The following CEP85L variants were observed in gnomAD, a reference collection of about 807,000 sequenced individuals.
CEP85L encodes centrosomal protein 85L.
A neutral mutation model predicts 100.3 loss-of-function variants in CEP85L; 60 were observed. The observed-to-expected ratio is 0.60, with a 90% CI of 0.49 to 0.74. The LOEUF is 0.74. Among genes scored for constraint, CEP85L ranks in the 30% least tolerant of loss-of-function variants. The pLI, the probability that CEP85L is intolerant of heterozygous loss-of-function variation, is 0.00. For missense variants in CEP85L, 973 were observed against 936.2 expected (o/e 1.04, Z -0.51); for synonymous variants, 319 against 322.7 (o/e 0.99, Z 0.12).
chr6:118,700,679 GAC>G (rs1253362657), intron 1 of CEP85L, among the ~76,000 whole-genome samples: 1 of 152,228 alleles, frequency 6.6e-6, no homozygotes, highest in Non-Finnish European at 1.5e-5. Flanking sequence ...GATCTTGAGA[GAC>G]AGTGGGAGTG....
intron 3 of CEP85L, among the ~76,000 whole-genome samples, chr6:118,533,287 T>C (rs1469204390): frequency 6.6e-6 from 1 of 152,120 alleles, no homozygotes; most frequent in African/African-American, 2.4e-5. Flanking sequence ...GTAAAATAGA[T>C]ATCACTACAG....
rs1029766634 is a variant in CEP85L at position 118,558,974 on chromosome 6, T to C, written c.1020+6555A>G. 17 of 1,612,926 alleles carry C rather than the reference T, an allele frequency of 1.1e-5. No individual in the cohort carries two copies. The highest frequency in any genetic ancestry group is 2.2e-5 in the East Asian group (1 of 44,882). On this transcript the variant is annotated intron_variant, in intron 3 of 12. Transcript: ENST00000368491. ...TCAGCTATAAGAAGAGCCTCAACCA[T>C]TGAAATGCCTCAACAAGCACGTCAA...
At chr6:118,549,785 A>G (rs1184891146) in intron 3 of CEP85L, among the ~76,000 whole-genome samples, 1 of 151,824 alleles carries the variant, frequency 6.6e-6, no homozygotes, top group East Asian at 1.9e-4. Flanking sequence ...GAGTTATTTT[A>G]TTGTATCAGA....
At chr6:118,470,993 G>A (rs914540986) in intron 10 of CEP85L, among the ~76,000 whole-genome samples, 1 of 152,056 alleles carries the variant, frequency 6.6e-6, no homozygotes, top group Admixed American at 6.5e-5. Flanking sequence ...TATATGTAGA[G>A]AGTGTATTAG....
At chr6:118,488,951 G>GT (rs1324972753) in intron 6 of CEP85L, among the ~76,000 whole-genome samples, 3 of 152,134 alleles carry the variant, frequency 2.0e-5, no homozygotes, top group African/African-American at 4.8e-5. Context: ...CCAGAATAAT[G>GT]TAAGAAGAAG....
At chr6:118,528,845 G>A (rs192341955) in intron 3 of CEP85L, among the ~76,000 whole-genome samples, 5 of 152,256 alleles carry the variant, frequency 3.3e-5, no homozygotes, top group East Asian at 1.9e-4. Flanking sequence ...ATATTGTGAA[G>A]TCTCAAACAG....
chr6:118,680,701 A>G (rs1583254007), intron 1 of CEP85L, among the ~76,000 whole-genome samples: 1 of 130,422 alleles, frequency 7.7e-6, no homozygotes, highest in African/African-American at 2.8e-5. Context: ...ACATGGCAAA[A>G]CCCTGCCTCT....
rs1310256845 is a variant in CEP85L, at chr6:118,565,677, TGAATGG to T, written c.866_871del (p.Pro289_Ile290del). ...CCACATCTGAGTCCTTACGGAAGGC[TGAATGG>T]GAACTCCACCTACTGCCTGTTGACC... On this transcript the variant is annotated inframe_deletion, in exon 3 of 13. Transcript: ENST00000368491. 1.9e-6 allele frequency: 3 copies of T among 1,614,216 alleles called. No homozygotes were observed. The African/African-American group carries it at 4.0e-5, about 22-fold the overall frequency.
At chr6:118,483,393 CTG>C (rs1375844662) in intron 7 of CEP85L, among the ~76,000 whole-genome samples, 1 of 152,036 alleles carries the variant, frequency 6.6e-6, no homozygotes, top group African/African-American at 2.4e-5. Flanking sequence ...ATCCTAGAGA[CTG>C]TGTTGGAAAG....
At chr6:118,636,004 A>G (rs1430017547) in intron 1 of CEP85L, among the ~76,000 whole-genome samples, 1 of 152,260 alleles carries the variant, frequency 6.6e-6, no homozygotes, top group Non-Finnish European at 1.5e-5. Context: ...GTCAAGAGCC[A>G]GATTGTAAAT....
At chr6:118,496,588 C>T (rs1189620953) in intron 5 of CEP85L, among the ~76,000 whole-genome samples, 2 of 151,902 alleles carry the variant, frequency 1.3e-5, no homozygotes, top group South Asian at 2.1e-4. Context: ...CTCCTGACCT[C>T]GTGATCCACC....
At chr6:118,616,267 T>C (rs912536195) in intron 2 of CEP85L, among the ~76,000 whole-genome samples, 2 of 152,166 alleles carry the variant, frequency 1.3e-5, no homozygotes, top group African/African-American at 4.8e-5. Flanking sequence ...GGGTCATGCC[T>C]GTAATCCCAA....
chr6:118,496,929 A>G (rs1235884204), intron 5 of CEP85L, among the ~76,000 whole-genome samples: 2 of 152,260 alleles, frequency 1.3e-5, no homozygotes, highest in Non-Finnish European at 2.9e-5. Flanking sequence ...ATGCATAAAC[A>G]TTGGGATTTC....
intron 1 of CEP85L, among the ~76,000 whole-genome samples, chr6:118,695,846 G>A (rs1240528472): frequency 6.6e-6 from 1 of 152,168 alleles, no homozygotes; most frequent in African/African-American, 2.4e-5. Flanking sequence ...GCTTTTGAGG[G>A]TGATGAGGGC....
intron 1 of CEP85L, among the ~76,000 whole-genome samples, chr6:118,703,988 A>G (rs1391007668): frequency 6.6e-6 from 1 of 152,212 alleles, no homozygotes; most frequent in Non-Finnish European, 1.5e-5. Context: ...GCATATGTGA[A>G]TGATCAAAAA....
intron 2 of CEP85L, among the ~76,000 whole-genome samples, chr6:118,567,195 A>C (rs1779560892): frequency 7.2e-6 from 1 of 138,134 alleles, no homozygotes; most frequent in African/African-American, 2.7e-5. Flanking sequence ...ACATATATGT[A>C]TGAATATATA....
intron 1 of CEP85L, among the ~76,000 whole-genome samples, chr6:118,670,219 C>CT (rs765749358): frequency 0.022 from 2,933 of 134,118 alleles, 44 homozygotes; most frequent in African/African-American, 0.043. Context: ...CAAGCAGAGG[C>CT]TTTTTTTTTT....
chr6:118,466,429 C>T (rs1442884401), intron 12 of CEP85L, among the ~76,000 whole-genome samples: 3 of 152,108 alleles, frequency 2.0e-5, no homozygotes, highest in African/African-American at 4.8e-5. Context: ...GCTTTACATA[C>T]AATTTCATAA....
chr6:118,521,174 T>A (rs73766535), intron 4 of CEP85L, among the ~76,000 whole-genome samples: 1 of 152,208 alleles, frequency 6.6e-6, no homozygotes, highest in African/African-American at 2.4e-5. Context: ...TTCCATCCAA[T>A]TGGACACCAA....
Sources: allele counts gnomAD v4.1 joint callset (sites outside exome capture counted in the v4.1 genomes callset), GRCh38; gene constraint gnomAD v4.1.1; transcripts MANE v1.5; gene names NCBI Gene and HGNC (gene_info 2026-07-23, HGNC 2026-07-21).